Variants in LGR6 observed in about 807,000 individuals in gnomAD.
The protein encoded by LGR6 is leucine-rich repeat-containing G protein-coupled receptor 6.
LGR6 carries 45 observed loss-of-function variants against 69.4 expected under a neutral mutation model. The observed-to-expected ratio is 0.65, with a 90% CI of 0.51 to 0.83. The LOEUF is 0.83. LGR6 is among the 40% of genes least tolerant of loss of function. The pLI, the probability that LGR6 is intolerant of heterozygous loss-of-function variation, is 0.00. For missense variants in LGR6, 1,108 were observed against 1,246.7 expected (o/e 0.89, Z 1.68); for synonymous variants, 538 against 555.0 (o/e 0.97, Z 0.43).
intron 1 of LGR6, among the ~76,000 whole-genome samples, chr1:202,205,989 C>CACACACACA (rs1553238578): frequency 1.4e-5 from 2 of 148,120 alleles, no homozygotes; most frequent in Admixed American, 6.7e-5. Context: ...CACACACACA[C>CACACACACA]CCCTAGTATG....
chr1:202,249,223 C>T (rs977724063), intron 4 of LGR6, among the ~76,000 whole-genome samples: 8 of 152,186 alleles, frequency 5.3e-5, no homozygotes, highest in African/African-American at 9.7e-5. Context: ...CAGCCCTTAT[C>T]TTATTTGATT....
At chr1:202,206,668 G>A (rs979504077) in intron 1 of LGR6, among the ~76,000 whole-genome samples, 12 of 151,858 alleles carry the variant, frequency 7.9e-5, no homozygotes, top group African/African-American at 2.7e-4. Flanking sequence ...TCCCACTTCA[G>A]CCTCCTGAGT....
At chr1:202,196,244 C>T (rs965756336) in intron 1 of LGR6, among the ~76,000 whole-genome samples, 1 of 152,074 alleles carries the variant, frequency 6.6e-6, no homozygotes, top group Non-Finnish European at 1.5e-5. Flanking sequence ...CTGGATGGTG[C>T]ATGAAGGATT....
At chr1:202,231,417 G>A (rs987575051) in intron 3 of LGR6, among the ~76,000 whole-genome samples, 3 of 152,156 alleles carry the variant, frequency 2.0e-5, no homozygotes, top group Non-Finnish European at 2.9e-5. Context: ...AGTCACCCCT[G>A]TACATGAGGC....
chr1:202,295,887 G>A (rs1667124321), intron 6 of LGR6, among the ~76,000 whole-genome samples: 1 of 150,062 alleles, frequency 6.7e-6, no homozygotes. Flanking sequence ...GTGTGTGTGT[G>A]TGTGTGTGTG....
At chr1:202,305,162 C>A (rs1032493275) in intron 11 of LGR6, among the ~76,000 whole-genome samples, 1 of 152,170 alleles carries the variant, frequency 6.6e-6, no homozygotes, top group African/African-American at 2.4e-5. Context: ...TCCGGAGACA[C>A]AGGCTCCAGA....
intron 1 of LGR6, among the ~76,000 whole-genome samples, chr1:202,216,145 A>G (rs913209820): frequency 1.3e-5 from 2 of 152,238 alleles, no homozygotes; most frequent in African/African-American, 4.8e-5. Flanking sequence ...AAATGGCTGC[A>G]TGACTAAATG....
chr1:202,303,216 T>G, intron 9 of LGR6, 63 bp from the exon 10 acceptor site: 3 of 1,219,884 alleles, frequency 2.5e-6, no homozygotes, highest in Non-Finnish European at 3.6e-6. Context: ...AATGGAGAAT[T>G]GAGAGTCTTG....
At chr1:202,302,220 C>T (rs764532725) in intron 9 of LGR6, among the ~76,000 whole-genome samples, 16 of 152,182 alleles carry the variant, frequency 1.1e-4, no homozygotes, top group Non-Finnish European at 2.1e-4. Flanking sequence ...TAGCCGACAT[C>T]TCCAAAGCAC....
At chr1:202,317,492 G>A (rs1252058901) in intron 17 of LGR6, among the ~76,000 whole-genome samples, 2 of 151,924 alleles carry the variant, frequency 1.3e-5, no homozygotes, top group Admixed American at 6.6e-5. Flanking sequence ...CTACATGTGC[G>A]TGCCACCACA....
At chr1:202,236,302 C>T (rs1194575938) in intron 4 of LGR6, 4 of 389,598 alleles carry the variant, frequency 1.0e-5, no homozygotes, top group Non-Finnish European at 1.9e-5. Context: ...GGTGTTCTGC[C>T]ATTGGAGCCT....
At chr1:202,295,856 G>A (rs536605771) in intron 6 of LGR6, among the ~76,000 whole-genome samples, 3 of 150,704 alleles carry the variant, frequency 2.0e-5, no homozygotes, top group Admixed American at 6.6e-5. Flanking sequence ...CAGTCTGAGG[G>A]TAATTGGGTA....
intron 6 of LGR6, among the ~76,000 whole-genome samples, chr1:202,297,032 AC>A (rs1342417052): frequency 1.3e-5 from 2 of 152,140 alleles, no homozygotes; most frequent in Admixed American, 1.3e-4. Context: ...TTGTGCCTTC[AC>A]CCCAAGAGAA....
intron 6 of LGR6, among the ~76,000 whole-genome samples, chr1:202,283,035 G>A (rs944129264): frequency 1.5e-4 from 23 of 152,194 alleles, no homozygotes; most frequent in African/African-American, 5.1e-4. Context: ...GTGAGTCTCC[G>A]TTTTCTAATC....
At position 202,276,511 on chromosome 1, in the gene LGR6, C is replaced by G; in HGVS notation, c.634C>G (p.Leu212Val). 1 of 1,613,218 alleles carries G rather than the reference C, an allele frequency of 6.2e-7. No individual in the cohort carries two copies. Among genetic ancestry groups the G allele is most frequent in the Non-Finnish European group, 8.5e-7 (1 of 1,179,516 alleles). ...PDYAFQNLTS[L>V]VVLHLHNNRI... The stretch of plus-strand genomic sequence containing the variant: ...CTACGCGTTCCAGAATCTCACCAGC[C>G]TTGTGGTGCTGTGAGTGCTGCTCTG... The change falls in exon 5 of 18, where the codon CTT (leucine) becomes GTT (valine). Residue 212 changes from leucine to valine, a missense_variant. By Grantham distance (32) the Leu-to-Val change is conservative (BLOSUM62 1). Coordinates refer to ENST00000367278, the MANE Select transcript of LGR6 (RefSeq NM_001017403.2).
intron 4 of LGR6, among the ~76,000 whole-genome samples, chr1:202,240,036 G>A (rs1012017568): frequency 6.6e-6 from 1 of 152,104 alleles, no homozygotes; most frequent in Non-Finnish European, 1.5e-5. Context: ...TTTGACATCA[G>A]GGTATACCGT....
rs527790135 is a variant in LGR6, at chr1:202,306,885, G to A, written c.1154G>A (p.Arg385His). Residue 385 changes from arginine to histidine, a missense_variant, in exon 13 of 18, where the codon CGC becomes CAC. Arg to His is a conservative substitution (Grantham distance 29, BLOSUM62 0). Transcript: ENST00000367278. ...TGCCCTAGCGGCCTCCAACACAACC[G>A]CATCTGGGAAATTGGAGCTGACACC... is the stretch of plus-strand genomic sequence containing the variant. ...KLEEIGLQHNRIWEIGADTFS... is the reference protein window; with the variant it reads ...KLEEIGLQHNHIWEIGADTFS... 52 of 1,614,060 alleles carry A rather than the reference G, an allele frequency of 3.2e-5. No homozygotes were observed. Among genetic ancestry groups the A allele is most frequent in the African/African-American group, 9.3e-5 (7 of 75,044 alleles).
intron 7 of LGR6, 34 bp downstream of exon 7, chr1:202,297,610 T>A: frequency 6.3e-7 from 1 of 1,593,410 alleles, no homozygotes; most frequent in East Asian, 2.2e-5. Flanking sequence ...TGGGTGTCCT[T>A]CTGTCCCAAG....
intron 6 of LGR6, among the ~76,000 whole-genome samples, chr1:202,292,904 A>C (rs538002933): frequency 6.6e-6 from 1 of 152,252 alleles, no homozygotes; most frequent in Non-Finnish European, 1.5e-5. Flanking sequence ...CAGTGCAGCT[A>C]TGGAGAAAAG....
Sources: allele counts gnomAD v4.1 joint callset (sites outside exome capture counted in the v4.1 genomes callset), GRCh38; gene constraint gnomAD v4.1.1; transcripts MANE v1.5; gene names NCBI Gene and HGNC (gene_info 2026-07-23, HGNC 2026-07-21).